Variants in CELF2 observed in about 807,000 individuals in gnomAD.
CELF2 encodes the protein CUGBP Elav-like family member 2, also known as CUG triplet repeat RNA-binding protein 2.
A neutral mutation model predicts 62.6 loss-of-function variants in CELF2; 8 were observed. The observed-to-expected ratio is 0.13, with a 90% CI of 0.07 to 0.23. CELF2 has a LOEUF of 0.23. Ranked by LOEUF, CELF2 falls within the 10% of genes least tolerant of loss-of-function variation. CELF2 has a pLI of 1.00. For missense variants in CELF2, 333 were observed against 671.0 expected (o/e 0.50, Z 5.56); for synonymous variants, 258 against 250.0 (o/e 1.03, Z -0.30).
chr10:10,592,520 A>G, the CELF2 span, among the ~76,000 whole-genome samples: 1 of 152,146 alleles, frequency 6.6e-6, no homozygotes, highest in Non-Finnish European at 1.5e-5. Flanking sequence ...TCTCTGACAC[A>G]CTGCTTTGCT....
the CELF2 span, among the ~76,000 whole-genome samples, chr10:10,754,117 C>G: frequency 9.0e-6 from 1 of 110,524 alleles, no homozygotes; most frequent in Admixed American, 1.2e-4. Context: ...TTGAAATTAA[C>G]TACTTAAGCA....
Position 11,333,836 on chromosome 10 carries a change from A to ACAACTGATTGT in CELF2, c.*4784_*4794dup, listed in dbSNP as rs2096072165. On this transcript the variant is annotated 3_prime_UTR_variant, in exon 13 of 13. Coordinates refer to ENST00000633077, the MANE Select transcript of CELF2 (RefSeq NM_001326342.2). ...AAAATACGCAGGCTTTCCTATTTCT[A>ACAACTGATTGT]CAACTGATTGTACTTATGCATTTTG... The ACAACTGATTGT allele has an allele frequency of 6.6e-6, 1 of 152,364 alleles. No homozygotes were observed. The highest frequency in any genetic ancestry group is 1.5e-5 in the Non-Finnish European group (1 of 68,002). The allele number at this position is 152,364 out of a possible 1,614,324, so 9.4% of individuals were successfully genotyped here. A position where few individuals can be genotyped will look rare whatever the true frequency, so the allele number is the denominator to read the frequency against.
At chr10:10,768,097 C>CGGA in the CELF2 span, among the ~76,000 whole-genome samples, 11,921 of 145,676 alleles carry the variant, frequency 0.082, 798 homozygotes, top group East Asian at 0.17. Flanking sequence ...ACCCGGGAGG[C>CGGA]GGAGCTTGCC....
chr10:10,843,539 T>C (rs1452880913), intron 1 of CELF2, among the ~76,000 whole-genome samples: 2 of 152,030 alleles, frequency 1.3e-5, no homozygotes, highest in Non-Finnish European at 1.5e-5. Flanking sequence ...ACATACTTTG[T>C]ATGGTCTATA....
chr10:11,031,903 GAGGA>G (rs894177352), intron 1 of CELF2, among the ~76,000 whole-genome samples: 5 of 152,062 alleles, frequency 3.3e-5, no homozygotes, highest in African/African-American at 1.2e-4. Context: ...CGTATAATTT[GAGGA>G]AAATGCTATT....
chr10:10,736,392 C>T, the CELF2 span, among the ~76,000 whole-genome samples: 3 of 78,000 alleles, frequency 3.8e-5, no homozygotes, highest in South Asian at 3.3e-4. Context: ...TTCTTTCTTT[C>T]TTTCTTTTTT....
chr10:10,575,984 T>C, the CELF2 span, among the ~76,000 whole-genome samples: 7 of 152,272 alleles, frequency 4.6e-5, no homozygotes, highest in East Asian at 1.4e-3. Context: ...TTAAATCAAA[T>C]CAAAGTAGAC....
At chr10:10,556,974 T>G in the CELF2 span, among the ~76,000 whole-genome samples, 6 of 145,516 alleles carry the variant, frequency 4.1e-5, no homozygotes, top group East Asian at 6.1e-4. Context: ...TTTCTCCCAT[T>G]TTGTAGGTTG....
chr10:11,197,004 G>GA (rs1268963536), intron 2 of CELF2, among the ~76,000 whole-genome samples: 539 of 8,664 alleles, frequency 0.062, 64 homozygotes, highest in African/African-American at 0.26. Context: ...GAAGGAAGGA[G>GA]AAAGAAAGAA....
chr10:10,614,143 G>A, the CELF2 span, among the ~76,000 whole-genome samples: 8 of 151,568 alleles, frequency 5.3e-5, no homozygotes, highest in South Asian at 4.2e-4. Flanking sequence ...TGTGTTTCTC[G>A]AATAATTTGG....
At chr10:10,820,386 A>G (rs1414222437) in intron 1 of CELF2, among the ~76,000 whole-genome samples, 1 of 152,188 alleles carries the variant, frequency 6.6e-6, no homozygotes, top group Non-Finnish European at 1.5e-5. Flanking sequence ...CTCAACTTTG[A>G]TCAATGACTT....
At chr10:11,168,744 C>T (rs755830858) in intron 2 of CELF2, among the ~76,000 whole-genome samples, 1 of 152,180 alleles carries the variant, frequency 6.6e-6, no homozygotes, top group African/African-American at 2.4e-5. Context: ...TTCCCCCTCA[C>T]TTTCCATTTC....
chr10:10,880,497 C>T (rs753039177), intron 1 of CELF2, among the ~76,000 whole-genome samples: 3 of 152,086 alleles, frequency 2.0e-5, no homozygotes, highest in African/African-American at 4.8e-5. Context: ...TCTCCTTAAC[C>T]GCATCTTTTT....
the CELF2 span, among the ~76,000 whole-genome samples, chr10:10,724,175 A>C: frequency 8.5e-5 from 13 of 152,206 alleles, no homozygotes; most frequent in Non-Finnish European, 1.8e-4. Context: ...AAAACCAAAA[A>C]AATTAAAACT....
At chr10:11,084,584 A>G (rs2074914512) in intron 1 of CELF2, among the ~76,000 whole-genome samples, 2 of 152,224 alleles carry the variant, frequency 1.3e-5, no homozygotes, top group Admixed American at 1.3e-4. Flanking sequence ...GAGAAAAATG[A>G]TAATCATGCA....
Position 11,319,563 on chromosome 10 carries a change from T to A in CELF2, c.1097-1626T>A, listed in dbSNP as rs79448168. Among the ~76,000 whole-genome samples the A allele has an allele frequency of 6.6e-6, 1 of 152,152 alleles. No individual in the cohort carries two copies. The highest frequency in any genetic ancestry group is 1.5e-5 in the Non-Finnish European group (1 of 68,022). On this transcript the variant is annotated intron_variant, in intron 10 of 12. Coordinates refer to ENST00000633077, the MANE Select transcript of CELF2 (RefSeq NM_001326342.2). The surrounding 1 kb of genome is among the most constrained non-coding windows in gnomAD (Gnocchi z 4.4). The stretch of plus-strand genomic sequence containing the variant: ...TTAATGAAAATCTCAATGATTTTCA[T>A]TAATAGATAGACCCCTTCATAATGA...
the CELF2 span, among the ~76,000 whole-genome samples, chr10:10,534,918 A>C: frequency 4.6e-5 from 7 of 152,348 alleles, no homozygotes; most frequent in East Asian, 1.9e-4. Context: ...ATAATGTTAA[A>C]TCTGTCTATG....
Position 11,178,742 on chromosome 10 carries a change from C to A in CELF2, c.271+13060C>A, listed in dbSNP as rs1027395406. Among the ~76,000 whole-genome samples, 26 of 152,178 alleles carry A rather than the reference C, an allele frequency of 1.7e-4. No homozygotes were observed. Among genetic ancestry groups the A allele is most frequent in the African/African-American group, 6.3e-4 (26 of 41,432 alleles). The stretch of plus-strand genomic sequence containing the variant: ...GGCCTGCCACATGTCTTCCAGACGG[C>A]TAGAATGCTCAGGAGATAAGAGTGG... On this transcript the variant is annotated intron_variant, in intron 2 of 12. Coordinates refer to ENST00000633077, the MANE Select transcript of CELF2 (RefSeq NM_001326342.2). This position sits in a 1 kb window ranked among gnomAD's most constrained non-coding sequence, Gnocchi z 4.3.
At chr10:11,257,607 C>T (rs779575581) in intron 4 of CELF2, 131 bp from the exon 5 acceptor site, 5 of 937,124 alleles carry the variant, frequency 5.3e-6, no homozygotes, top group Non-Finnish European at 8.0e-6. Context: ...AGCTGGACGT[C>T]TGCAGAGTTG....
Sources: gnomAD v4.1 joint callset for allele counts (sites outside exome capture counted in the v4.1 genomes callset) on GRCh38, gnomAD v4.1.1 for gene constraint, Gnocchi (gnomAD v3.1) non-coding constraint, MANE v1.5 for transcripts, NCBI Gene and HGNC (gene_info 2026-07-23, HGNC 2026-07-21) for gene names.